PCDHA9: variants seen among roughly 807,000 people sequenced by gnomAD.
PCDHA9 encodes protocadherin alpha-9.
Under a neutral mutation model 62.0 loss-of-function variants are expected in PCDHA9, and 62 were observed. That is an observed-to-expected ratio of 1.00 (90% confidence interval 0.81 to 1.23). The LOEUF is 1.23. Ranked by LOEUF, PCDHA9 falls within the 50% of genes most tolerant of loss-of-function variation. The pLI is 0.00. For missense variants in PCDHA9, 1,205 were observed against 1,249.8 expected, an observed-to-expected ratio of 0.96 and a Z score of 0.54; for synonymous variants, 557 against 567.6, an observed-to-expected ratio of 0.98 and a Z score of 0.27.
intron 1 of PCDHA9, among the ~76,000 whole-genome samples, chr5:140,932,340 C>G (rs1339952181): frequency 6.6e-6 from 1 of 151,864 alleles, no homozygotes; most frequent in Non-Finnish European, 1.5e-5. Flanking sequence ...GCATGAAACA[C>G]TTACCATACA....
At chr5:140,882,588 A>T in intron 1 of PCDHA9, 7 of 1,614,186 alleles carry the variant, frequency 4.3e-6, no homozygotes, top group Non-Finnish European at 5.1e-6. Context: ...ATCCACCTGG[A>T]GGTGATCGTG....
intron 1 of PCDHA9, among the ~76,000 whole-genome samples, chr5:140,970,194 A>G (rs1202666673): frequency 6.6e-6 from 1 of 152,204 alleles, no homozygotes; most frequent in African/African-American, 2.4e-5. Context: ...TTGTAAGAGG[A>G]TTTCCCTGAA....
At chr5:140,963,705 C>T (rs1351751729) in intron 1 of PCDHA9, among the ~76,000 whole-genome samples, 1 of 152,130 alleles carries the variant, frequency 6.6e-6, no homozygotes, top group Non-Finnish European at 1.5e-5. Flanking sequence ...ATCTAAAGGG[C>T]CATGCTACAT....
intron 1 of PCDHA9, chr5:140,859,682 A>G (rs2045965984): frequency 6.5e-6 from 1 of 154,852 alleles, no homozygotes; most frequent in Admixed American, 6.4e-5. Context: ...AAATAAAATT[A>G]AAATTATTGT....
Position 140,849,774 on chromosome 5 carries a change from G to GTA in PCDHA9, c.1279_1280insTA (p.Ala427ValfsTer23), listed in dbSNP as rs2150449432. ...GTCCGCCTACGAGCTGGTGGTTACCGCGCGGGACGGGGGCTCGCCTTCACT... is the reference window on the plus strand; with the variant it reads ...GTCCGCCTACGAGCTGGTGGTTACCGTACGCGGGACGGGGGCTCGCCTTCACT... On this transcript the variant is annotated frameshift_variant, in exon 1 of 4. Transcript: ENST00000532602. LOFTEE classifies it high-confidence loss of function. 6.3e-7 allele frequency: 1 copy of GTA among 1,598,482 alleles called. No individual in the cohort carries two copies. The highest frequency in any genetic ancestry group is 8.6e-7 in the Non-Finnish European group (1 of 1,167,952).
At chr5:140,854,558 G>A (rs1344773407) in intron 1 of PCDHA9, 1 of 149,764 alleles carries the variant, frequency 6.7e-6, no homozygotes, top group East Asian at 1.9e-4. Flanking sequence ...CATAAATATT[G>A]TTGCTCTGTC....
intron 1 of PCDHA9, chr5:140,866,274 A>G (rs1554160163): frequency 6.6e-6 from 1 of 152,156 alleles, no homozygotes; most frequent in African/African-American, 2.4e-5. Flanking sequence ...GTGAATAAAG[A>G]CAGTGTTTGG....
At chr5:140,927,882 G>A in intron 1 of PCDHA9, 2 of 1,614,224 alleles carry the variant, frequency 1.2e-6, no homozygotes, top group Non-Finnish European at 1.7e-6. Context: ...TGGTGGAGGT[G>A]ACTGACGTGA....
intron 1 of PCDHA9, among the ~76,000 whole-genome samples, chr5:140,879,426 G>T (rs2057986144): frequency 6.6e-6 from 1 of 152,302 alleles, no homozygotes; most frequent in South Asian, 2.1e-4. Flanking sequence ...GAATGGAGAT[G>T]AACATTTAAG....
At chr5:140,856,541 G>GCATT in intron 1 of PCDHA9, 4 of 1,598,164 alleles carry the variant, frequency 2.5e-6, no homozygotes, top group Non-Finnish European at 3.4e-6. Flanking sequence ...TGGAGAGAAC[G>GCATT]CATTGCTTAC....
Position 140,923,432 on chromosome 5 carries a change from G to A in PCDHA9, c.2395-55517G>A, listed in dbSNP as rs116357562. Among the ~76,000 whole-genome samples, 1,228 of 152,230 alleles carry A rather than the reference G, an allele frequency of 8.1e-3. 6 individuals are homozygous for A. The highest frequency in any genetic ancestry group is 0.019 in the African/African-American group (793 of 41,542). The stretch of plus-strand genomic sequence containing the variant: ...AATCCTGGCTACTTGGGAGGCTGGG[G>A]TGGGAGGATCACCTGAGCCCAGAGA... On this transcript the variant is annotated intron_variant, in intron 1 of 3. Transcript: ENST00000532602.
intron 1 of PCDHA9, among the ~76,000 whole-genome samples, chr5:140,914,012 G>A (rs2153528687): frequency 6.6e-6 from 1 of 152,234 alleles, no homozygotes; most frequent in Admixed American, 6.5e-5. Context: ...CTATCTTTGA[G>A]AATGATCCAC....
At chr5:140,912,465 C>T (rs2153521985) in intron 1 of PCDHA9, among the ~76,000 whole-genome samples, 1 of 151,968 alleles carries the variant, frequency 6.6e-6, no homozygotes, top group South Asian at 2.1e-4. Context: ...TATCCTGGAA[C>T]TTTACTGAAT....
At chr5:140,997,476 A>G (rs782742177) in intron 3 of PCDHA9, among the ~76,000 whole-genome samples, 1 of 152,196 alleles carries the variant, frequency 6.6e-6, no homozygotes, top group Admixed American at 6.5e-5. Flanking sequence ...TTTTTACACA[A>G]TGATAAGTAT....
At chr5:140,999,892 G>A (rs1329841334) in intron 3 of PCDHA9, among the ~76,000 whole-genome samples, 1 of 152,134 alleles carries the variant, frequency 6.6e-6, no homozygotes, top group Non-Finnish European at 1.5e-5. Context: ...GCTGTAGCTT[G>A]GGACACCAAA....
At chr5:140,926,333 C>A (rs1244364456) in intron 1 of PCDHA9, 3 of 152,288 alleles carry the variant, frequency 2.0e-5, no homozygotes, top group African/African-American at 7.2e-5. Flanking sequence ...GGTCAGAGCG[C>A]CGGGACCCGA....
chr5:140,972,957 C>T (rs369707081), intron 1 of PCDHA9, among the ~76,000 whole-genome samples: 1 of 152,054 alleles, frequency 6.6e-6, no homozygotes, highest in East Asian at 1.9e-4. Context: ...CCACCATGCC[C>T]GGCAAAGGAA....
At chr5:140,968,165 C>T in intron 1 of PCDHA9, 6 of 1,614,120 alleles carry the variant, frequency 3.7e-6, no homozygotes, top group African/African-American at 1.3e-5. Flanking sequence ...TGACAATCCA[C>T]CAAGCTTCCT....
chr5:140,910,708 A>G (rs1227801513), intron 1 of PCDHA9, among the ~76,000 whole-genome samples: 2 of 152,164 alleles, frequency 1.3e-5, no homozygotes, highest in African/African-American at 4.8e-5. Context: ...ACAGTGGGCC[A>G]TCTTTTAATC....
Sources: allele counts gnomAD v4.1 joint callset (sites outside exome capture counted in the v4.1 genomes callset), GRCh38; gene constraint gnomAD v4.1.1; transcripts MANE v1.5; gene names NCBI Gene and HGNC (gene_info 2026-07-23, HGNC 2026-07-21).